TAF3: variants seen among roughly 807,000 people sequenced by gnomAD.
The protein encoded by TAF3 is transcription initiation factor TFIID subunit 3.
TAF3 carries 7 observed loss-of-function variants against 80.6 expected under a neutral mutation model. The observed-to-expected ratio is 0.09, with a 90% CI of 0.05 to 0.16. TAF3 has a LOEUF of 0.16. Ranked by LOEUF, TAF3 falls within the 10% of genes least tolerant of loss-of-function variation. The probability of loss-of-function intolerance (pLI) is 1.00; values close to 1 mark genes in which losing one functional copy is unlikely to be tolerated. For synonymous variants in TAF3, 444 were observed against 446.1 expected, an observed-to-expected ratio of 1.00 and a Z score of 0.06; for missense variants, 921 against 1,140.2, an observed-to-expected ratio of 0.81 and a Z score of 2.77.
chr10:7,983,813 TG>T lies in TAF3; in HGVS notation c.2315+6495del, dbSNP rs1230196931. On this transcript the variant is annotated intron_variant, in intron 4 of 6. Coordinates refer to ENST00000344293, the MANE Select transcript of TAF3 (RefSeq NM_031923.4). ...GTCATTGCACTGCTGCACTCCAGCCTGGGGGACAGAGTGAGACCCTGTCTCT... is the reference window on the plus strand; with the variant it reads ...GTCATTGCACTGCTGCACTCCAGCCTGGGGACAGAGTGAGACCCTGTCTCT... 2.6e-5 allele frequency among the ~76,000 whole-genome samples: 4 copies of T among 152,046 alleles called. No individual in the cohort carries two copies. The East Asian group carries it at 7.7e-4, about 29-fold the overall frequency.
intron 2 of TAF3, among the ~76,000 whole-genome samples, chr10:7,857,402 C>T (rs533044032): frequency 3.6e-4 from 55 of 152,278 alleles, no homozygotes; most frequent in African/African-American, 1.1e-3. Context: ...ACAGTCTGTC[C>T]GGGAGAAAGT....
intron 2 of TAF3, among the ~76,000 whole-genome samples, chr10:7,931,470 C>T (rs1001674833): frequency 2.6e-5 from 4 of 152,144 alleles, no homozygotes; most frequent in African/African-American, 4.8e-5. Flanking sequence ...TGTGACATTG[C>T]ATCTCGGGGA....
intron 2 of TAF3, among the ~76,000 whole-genome samples, chr10:7,847,680 A>G (rs1836984982): frequency 6.6e-6 from 1 of 152,138 alleles, no homozygotes; most frequent in Admixed American, 6.6e-5. Context: ...CCTGGGTTCA[A>G]GTGATCCTCC....
intron 2 of TAF3, among the ~76,000 whole-genome samples, chr10:7,882,447 G>A (rs1837370733): frequency 1.3e-5 from 2 of 152,134 alleles, no homozygotes; most frequent in Non-Finnish European, 2.9e-5. Flanking sequence ...ATCTTCAGAA[G>A]TAAGAAATGA....
At position 7,968,906 on chromosome 10, in the gene TAF3, T is replaced by G. The variant is rs1276261445; in HGVS notation, c.2232+3164T>G. 1.3e-5 allele frequency among the ~76,000 whole-genome samples: 2 copies of G among 152,206 alleles called. 1 individual carries two copies. The highest frequency in any genetic ancestry group is 2.9e-5 in the Non-Finnish European group (2 of 68,046). On this transcript the variant is annotated intron_variant, in intron 3 of 6. Coordinates refer to ENST00000344293, the MANE Select transcript of TAF3 (RefSeq NM_031923.4). ...TAGTGATGATAAATCCAGAGAGTGGTGAGTTGTGCAAGCTTTTAGTTCCCC... is the reference window on the plus strand; with the variant it reads ...TAGTGATGATAAATCCAGAGAGTGGGGAGTTGTGCAAGCTTTTAGTTCCCC...
chr10:7,969,905 C>T (rs1044029413), intron 3 of TAF3, among the ~76,000 whole-genome samples: 4 of 152,190 alleles, frequency 2.6e-5, no homozygotes, highest in Non-Finnish European at 5.9e-5. Context: ...TTCCTTCCTC[C>T]GTCTCCTTCC....
At position 7,900,315 on chromosome 10, in the gene TAF3, T is replaced by C. The variant is rs542283191; in HGVS notation, c.410-63605T>C. ...TTTTGTAGCAATTATTGATAAATTA[T>C]ACTTTTAATGGAGGCATTTGTTTCA... is the stretch of plus-strand genomic sequence containing the variant. On this transcript the variant is annotated intron_variant, in intron 2 of 6. Transcript: ENST00000344293. 3.9e-5 allele frequency among the ~76,000 whole-genome samples: 6 copies of C among 152,380 alleles called. No homozygotes were observed. The South Asian group carries it at 1.2e-3, about 32-fold the overall frequency.
At chr10:7,874,879 C>T (rs577082042) in intron 2 of TAF3, among the ~76,000 whole-genome samples, 121 of 152,074 alleles carry the variant, frequency 8.0e-4, no homozygotes, top group Non-Finnish European at 1.3e-3. Flanking sequence ...ATGTATTGAG[C>T]TCGGGTTTTT....
intron 2 of TAF3, among the ~76,000 whole-genome samples, chr10:7,908,491 G>A (rs1265870442): frequency 6.6e-6 from 1 of 152,080 alleles, no homozygotes; most frequent in Non-Finnish European, 1.5e-5. Flanking sequence ...TAAATGAAAG[G>A]CCATAGACCT....
chr10:7,903,629 A>G (rs1433923215), intron 2 of TAF3, among the ~76,000 whole-genome samples: 1 of 152,252 alleles, frequency 6.6e-6, no homozygotes, highest in African/African-American at 2.4e-5. Flanking sequence ...GATGCAGTTT[A>G]GCATTGCACC....
At chr10:7,915,567 C>T (rs1364646338) in intron 2 of TAF3, among the ~76,000 whole-genome samples, 3 of 144,338 alleles carry the variant, frequency 2.1e-5, no homozygotes, top group South Asian at 2.2e-4. Context: ...GGTGTGAACC[C>T]GGGAGGCGGA....
chr10:7,872,493 A>G (rs1456240686), intron 2 of TAF3, among the ~76,000 whole-genome samples: 1 of 152,186 alleles, frequency 6.6e-6, no homozygotes, highest in Non-Finnish European at 1.5e-5. Context: ...ATGGAAATAT[A>G]TAAAATTACA....
intron 4 of TAF3, among the ~76,000 whole-genome samples, chr10:7,987,628 A>G (rs1367785666): frequency 6.6e-6 from 1 of 152,236 alleles, no homozygotes; most frequent in Non-Finnish European, 1.5e-5. Flanking sequence ...CTAAAAGGCT[A>G]TACCAATTAA....
At chr10:7,890,512 C>T (rs1837448786) in intron 2 of TAF3, among the ~76,000 whole-genome samples, 1 of 152,168 alleles carries the variant, frequency 6.6e-6, no homozygotes, top group East Asian at 1.9e-4. Context: ...ATTACGAAAA[C>T]TTTATGCATT....
At chr10:7,928,832 G>C (rs1837840807) in intron 2 of TAF3, among the ~76,000 whole-genome samples, 1 of 152,098 alleles carries the variant, frequency 6.6e-6, no homozygotes, top group African/African-American at 2.4e-5. Flanking sequence ...GAAATACCGA[G>C]ACTTCTTGAA....
intron 4 of TAF3, among the ~76,000 whole-genome samples, chr10:7,983,676 A>C (rs1176916166): frequency 6.6e-6 from 1 of 152,128 alleles, no homozygotes; most frequent in Non-Finnish European, 1.5e-5. Context: ...GCCTACGTTA[A>C]AAGCTAAACA....
At chr10:7,916,832 C>A (rs1837715962) in intron 2 of TAF3, among the ~76,000 whole-genome samples, 1 of 152,098 alleles carries the variant, frequency 6.6e-6, no homozygotes, top group Admixed American at 6.6e-5. Flanking sequence ...TTTCAATTTA[C>A]TTACTATCTG....
chr10:7,930,054 A>G (rs929580455), intron 2 of TAF3, among the ~76,000 whole-genome samples: 2 of 152,038 alleles, frequency 1.3e-5, no homozygotes, highest in African/African-American at 4.8e-5. Flanking sequence ...ACAAAATAGC[A>G]AAGTGGGGTG....
chr10:7,840,065 G>A (rs1048916922), intron 2 of TAF3, among the ~76,000 whole-genome samples: 1 of 152,086 alleles, frequency 6.6e-6, no homozygotes, highest in African/African-American at 2.4e-5. Context: ...TTTGGATGGG[G>A]GAGTATTTAA....
Sources: allele counts gnomAD v4.1 joint callset (sites outside exome capture counted in the v4.1 genomes callset), GRCh38; gene constraint gnomAD v4.1.1; transcripts MANE v1.5; gene names NCBI Gene and HGNC (gene_info 2026-07-23, HGNC 2026-07-21).